Variants in HECTD4 observed in about 807,000 individuals in gnomAD.
HECTD4 encodes probable E3 ubiquitin-protein ligase HECTD4.
HECTD4 carries 114 observed loss-of-function variants against 471.5 expected under a neutral mutation model. The ratio of observed to expected loss-of-function variants is 0.24; its 90% confidence interval spans 0.21 to 0.28. The LOEUF (loss-of-function observed/expected upper bound fraction) is 0.28. Among genes scored for constraint, HECTD4 ranks in the 10% least tolerant of loss-of-function variants. The probability of loss-of-function intolerance (pLI) is 1.00; values close to 1 mark genes in which losing one functional copy is unlikely to be tolerated. For synonymous variants in HECTD4, 2,012 were observed against 2,256.0 expected (o/e 0.89, Z 3.07); for missense variants, 3,866 against 5,651.5 (o/e 0.68, Z 10.13).
rs1188317508 is a variant in HECTD4, at chr12:112,273,640, CT to C, written c.1942+14del. On this transcript the variant is annotated intron_variant, in intron 11 of 75. Transcript: ENST00000682272. ...GAGGAAAATCTTTTCCTGCAAGACC[CT>C]GAGTGCACCTCACCTTTGGGCTCAG... is the stretch of plus-strand genomic sequence containing the variant. 2 of 1,612,960 alleles carry C rather than the reference CT, an allele frequency of 1.2e-6. No individual in the cohort carries two copies. The highest frequency in any genetic ancestry group is 3.3e-5 in the Admixed American group (2 of 59,986).
At chr12:112,366,183 A>G (rs1337442884) in intron 1 of HECTD4, among the ~76,000 whole-genome samples, 1 of 152,086 alleles carries the variant, frequency 6.6e-6, no homozygotes, top group Non-Finnish European at 1.5e-5. Context: ...ACAAGAGGGG[A>G]AAAACCCAAA....
chr12:112,231,817 T>A, intron 38 of HECTD4, 102 bp from the exon 39 acceptor site: 1 of 845,250 alleles, frequency 1.2e-6, no homozygotes, highest in Non-Finnish European at 1.8e-6. Flanking sequence ...TCCACACTCA[T>A]TTTTTTTTAA....
chr12:112,163,506 C>T lies in HECTD4; in HGVS notation c.12897+36G>A. 6.9e-7 allele frequency: 1 copy of T among 1,442,180 alleles called. No individual in the cohort carries two copies. Among genetic ancestry groups the T allele is most frequent in the Non-Finnish European group, 9.2e-7 (1 of 1,091,974 alleles). 89.3% of individuals were successfully genotyped at this position (1,442,180 alleles called of 1,614,324 possible). A position where few individuals can be genotyped will look rare whatever the true frequency, so the allele number is the denominator to read the frequency against. On this transcript the variant is annotated intron_variant, in intron 74 of 75. Coordinates refer to ENST00000682272, the MANE Select transcript of HECTD4 (RefSeq NM_001388303.1). This position sits in a 1 kb window ranked among gnomAD's most constrained non-coding sequence, Gnocchi z 8.2. ...GACAGGGAGGCACGCCTGGGGCTCA[C>T]CACCTCCCCGCCCAGCCTGGCCCTG...
At chr12:112,261,603 C>A in intron 17 of HECTD4, 174 bp from the exon 18 acceptor site, 1 of 603,520 alleles carries the variant, frequency 1.7e-6, no homozygotes, top group Non-Finnish European at 2.7e-6. Flanking sequence ...AGAATAAGCC[C>A]AAAGCAGTAA....
At chr12:112,301,464 G>C (rs1594025783) in intron 7 of HECTD4, among the ~76,000 whole-genome samples, 1 of 152,298 alleles carries the variant, frequency 6.6e-6, no homozygotes, top group African/African-American at 2.4e-5. Context: ...TTACAGGTGT[G>C]AGCCACTGCA....
intron 64 of HECTD4, 91 bp downstream of exon 64, chr12:112,178,840 C>T (rs2137019127): frequency 7.1e-7 from 1 of 1,406,142 alleles, no homozygotes; most frequent in Non-Finnish European, 9.5e-7. Flanking sequence ...CAGGCTCCTC[C>T]AGAGGAGCTG....
In HECTD4 at chr12:112,173,585, G is replaced by A. The variant is rs993378841; in HGVS notation, c.11595-724C>T. Among the ~76,000 whole-genome samples the A allele has an allele frequency of 9.2e-5, 14 of 151,698 alleles. No homozygotes were observed. Among genetic ancestry groups the A allele is most frequent in the Admixed American group, 6.6e-4 (10 of 15,244 alleles). On this transcript the variant is annotated intron_variant, in intron 66 of 75. Transcript: ENST00000682272. This position sits in a 1 kb window ranked among gnomAD's most constrained non-coding sequence, Gnocchi z 4.3. The stretch of plus-strand genomic sequence containing the variant: ...TTTTTTTTGTATTTTTAGTAGAGAC[G>A]AGGTTTCACCGTGTTAGCCAGGATG...
chr12:112,341,138 T>C (rs1463582923), intron 1 of HECTD4, among the ~76,000 whole-genome samples: 1 of 152,224 alleles, frequency 6.6e-6, no homozygotes, highest in Non-Finnish European at 1.5e-5. Flanking sequence ...TAATAGATGC[T>C]AGACAAATAT....
At position 112,210,180 on chromosome 12, in the gene HECTD4, C is replaced by A; in HGVS notation, c.7702G>T (p.Ala2568Ser). 6.2e-7 allele frequency: 1 copy of A among 1,614,040 alleles called. No individual in the cohort carries two copies. The highest frequency in any genetic ancestry group is 8.5e-7 in the Non-Finnish European group (1 of 1,179,904). ...YAEGQAHRNA[A>S]DLCTDLAEEI... is the part of the protein sequence containing the mutation. Reference sequence around the variant, plus strand: ...TCTGCTAGGTCAGTGCACAGGTCAGCAGCATTGCGGTGGGCCTGCCCTTCC... The same window carrying A: ...TCTGCTAGGTCAGTGCACAGGTCAGAAGCATTGCGGTGGGCCTGCCCTTCC... Residue 2568 changes from alanine to serine, a missense_variant, in exon 50 of 76, where the codon GCT (alanine) becomes TCT (serine). By Grantham distance (99) the Ala-to-Ser change is moderately conservative. Transcript: ENST00000682272.
chr12:112,368,001 A>G (rs2036600066), intron 1 of HECTD4, among the ~76,000 whole-genome samples: 1 of 152,156 alleles, frequency 6.6e-6, no homozygotes, highest in Non-Finnish European at 1.5e-5. Flanking sequence ...TCCATTACAA[A>G]TACAAACTGA....
At chr12:112,206,533 C>CTTTTT (rs60701313) in intron 52 of HECTD4, among the ~76,000 whole-genome samples, 4 of 111,486 alleles carry the variant, frequency 3.6e-5, no homozygotes, top group Non-Finnish European at 7.1e-5. Context: ...ATAGAATCTG[C>CTTTTT]TTTTTTTTTT....
At chr12:112,257,957 A>G (rs925234768) in intron 20 of HECTD4, among the ~76,000 whole-genome samples, 2 of 152,174 alleles carry the variant, frequency 1.3e-5, no homozygotes, top group Admixed American at 1.3e-4. Flanking sequence ...TGGGAGGCTG[A>G]GGTGGGCGGA....
At chr12:112,371,972 T>C (rs936176860) in intron 1 of HECTD4, among the ~76,000 whole-genome samples, 3 of 151,076 alleles carry the variant, frequency 2.0e-5, no homozygotes, top group South Asian at 2.1e-4. Flanking sequence ...TCCACTACTA[T>C]AGAAAAAATT....
intron 2 of HECTD4, among the ~76,000 whole-genome samples, chr12:112,315,820 C>T (rs912744313): frequency 6.8e-6 from 1 of 146,232 alleles, no homozygotes; most frequent in African/African-American, 2.6e-5. Context: ...TGCTTGAACA[C>T]AGGAGTTCAA....
rs769272547 is a variant in HECTD4, at chr12:112,176,661, T to C, written c.11405A>G (p.Lys3802Arg). 1.2e-5 allele frequency: 19 copies of C among 1,614,024 alleles called. No individual in the cohort carries two copies. Among genetic ancestry groups the C allele is most frequent in the Non-Finnish European group, 1.6e-5 (19 of 1,179,898 alleles). ...LSEKKPTVKP[K>R]SPEKSKPDEK... Reference sequence around the variant, plus strand: ...ATCTGGTTTGCTCTTTTCTGGTGATTTTGGCTTCACAGTTGGCTTCTTCTC... The same window carrying C: ...ATCTGGTTTGCTCTTTTCTGGTGATCTTGGCTTCACAGTTGGCTTCTTCTC... Residue 3802 changes from lysine (K) to arginine (R), a missense_variant, in exon 65 of 76, where the codon AAA (lysine) becomes AGA (arginine). This residue lies in a region of HECTD4 where 715 missense variants were observed against 1,087.6 expected (regional missense o/e 0.66). Transcript: ENST00000682272.
At chr12:112,317,800 G>A (rs1269285050) in intron 2 of HECTD4, among the ~76,000 whole-genome samples, 1 of 151,894 alleles carries the variant, frequency 6.6e-6, no homozygotes, top group Non-Finnish European at 1.5e-5. Flanking sequence ...GCAACAAGGG[G>A]AAACCCCGTC....
Position 112,163,545 on chromosome 12 carries a change from G to A in HECTD4, c.12894C>T (p.Leu4298=). Reference sequence around the variant, plus strand: ...AGCCTGGCCCTGGGATGTCTACCTTGAGGAACTCGAGGTTGATGTAGGGGA... The same window carrying A: ...AGCCTGGCCCTGGGATGTCTACCTTAAGGAACTCGAGGTTGATGTAGGGGA... ...CGLPYINLEF[L]KAHTMYQVGL... is the part of the protein sequence containing the mutation. Residue 4298 remains leucine (L), a synonymous_variant, in exon 74 of 76, where the codon CTC becomes CTT. Transcript: ENST00000682272. The surrounding 1 kb of genome is among the most constrained non-coding windows in gnomAD (Gnocchi z 8.2). 1.4e-6 allele frequency: 2 copies of A among 1,465,972 alleles called. No homozygotes were observed. The highest frequency in any genetic ancestry group is 1.8e-6 in the Non-Finnish European group (2 of 1,105,498). 90.8% of individuals were successfully genotyped at this position (1,465,972 alleles called of 1,614,324 possible). A position where few individuals can be genotyped will look rare whatever the true frequency, so the allele number is the denominator to read the frequency against.
At chr12:112,367,200 G>A (rs1195871381) in intron 1 of HECTD4, among the ~76,000 whole-genome samples, 2 of 151,330 alleles carry the variant, frequency 1.3e-5, no homozygotes, top group Non-Finnish European at 2.9e-5. Context: ...TTCTTGGGAG[G>A]CTGAGGCAGA....
chr12:112,264,840 C>T (rs2034231698), intron 16 of HECTD4, among the ~76,000 whole-genome samples: 2 of 152,194 alleles, frequency 1.3e-5, no homozygotes, highest in African/African-American at 4.8e-5. Flanking sequence ...TCTCAGCTCA[C>T]TGCAAACTCC....
Sources: allele counts gnomAD v4.1 joint callset (sites outside exome capture counted in the v4.1 genomes callset), GRCh38; gene constraint gnomAD v4.1.1; regional missense constraint gnomAD v4.1.1; non-coding constraint Gnocchi (gnomAD v3.1); transcripts MANE v1.5; gene names NCBI Gene and HGNC (gene_info 2026-07-23, HGNC 2026-07-21).